Variants in DRAM1 observed in about 807,000 individuals in gnomAD.
DRAM1 encodes DNA damage regulated autophagy modulator 1.
In DRAM1, 25 loss-of-function variants were observed where a neutral mutation model predicts 28.5. The observed-to-expected ratio is 0.88, with a 90% CI of 0.64 to 1.23. DRAM1 has a LOEUF of 1.23. Ranked by LOEUF, DRAM1 falls within the 50% of genes most tolerant of loss-of-function variation. DRAM1 has a pLI of 0.00. For synonymous variants in DRAM1, 113 were observed against 114.2 expected (o/e 0.99, Z 0.07); for missense variants, 249 against 299.2 (o/e 0.83, Z 1.24).
chr12:101,916,978 G>A (rs1444210530), intron 5 of DRAM1, among the ~76,000 whole-genome samples: 2 of 152,218 alleles, frequency 1.3e-5, no homozygotes, highest in East Asian at 3.8e-4. Context: ...TAATCCTAAC[G>A]ATGGAATGAG....
chr12:101,909,299 C>CTA (rs1873949769), intron 4 of DRAM1, among the ~76,000 whole-genome samples: 1 of 144,368 alleles, frequency 6.9e-6, no homozygotes, highest in Non-Finnish European at 1.5e-5. Context: ...AATGTCTCAA[C>CTA]ATTGTCTAAT....
chr12:101,901,594 T>A, intron 3 of DRAM1, 161 bp downstream of exon 3: 1 of 815,010 alleles, frequency 1.2e-6, no homozygotes, highest in Non-Finnish European at 1.8e-6. Context: ...CTTTAACATT[T>A]GGAAATCAGG....
intron 1 of DRAM1, among the ~76,000 whole-genome samples, chr12:101,882,274 A>G (rs1566118957): frequency 2.0e-5 from 3 of 150,302 alleles, no homozygotes; most frequent in Admixed American, 6.6e-5. Context: ...CCTCCCGGCT[A>G]ATTTTTTGTA....
At chr12:101,913,700 C>T (rs1358726571) in intron 4 of DRAM1, among the ~76,000 whole-genome samples, 1 of 104,900 alleles carries the variant, frequency 9.5e-6, no homozygotes, top group Admixed American at 1.3e-4. Context: ...AGCGAGAGTA[C>T]GTCTCAAAAA....
At chr12:101,889,471 TGAGAA>T (rs1209223863) in intron 1 of DRAM1, among the ~76,000 whole-genome samples, 3 of 126,802 alleles carry the variant, frequency 2.4e-5, no homozygotes, top group Non-Finnish European at 3.4e-5. Flanking sequence ...TGAGACGAGA[TGAGAA>T]GAGAAGAAGG....
rs1354920058 is a variant in DRAM1, at chr12:101,921,783, C to G, written c.*523C>G. ...CCAAATCATAAAGATTTAGTTGATACATTAACACTAAGATACTCTGATTTT... is the reference window on the plus strand; with the variant it reads ...CCAAATCATAAAGATTTAGTTGATAGATTAACACTAAGATACTCTGATTTT... On this transcript the variant is annotated 3_prime_UTR_variant, in exon 7 of 7. Transcript: ENST00000258534. The G allele has an allele frequency of 6.5e-6, 1 of 153,386 alleles. No individual in the cohort carries two copies. The highest frequency in any genetic ancestry group is 1.4e-5 in the Non-Finnish European group (1 of 69,078). 9.5% of individuals were successfully genotyped at this position (153,386 alleles called of 1,614,324 possible).
intron 1 of DRAM1, among the ~76,000 whole-genome samples, chr12:101,889,522 AGG>A (rs1491238923): frequency 1.3e-5 from 2 of 152,082 alleles, no homozygotes; most frequent in African/African-American, 4.8e-5. Flanking sequence ...AAGGAAAGGA[AGG>A]AAGGAAGGAA....
In DRAM1 at chr12:101,877,908, T is replaced by C. The variant is rs1188546118; in HGVS notation, c.119T>C (p.Leu40Pro). ...AVLSGHVNPF[L>P]PYISDTGTTP... The stretch of plus-strand genomic sequence containing the variant: ...CTCTCCGGGCACGTCAACCCCTTCC[T>C]CCCGTATATCAGGTGAGTGGCAGGG... Residue 40 changes from leucine to proline, a missense_variant, in exon 1 of 7, where the codon CTC becomes CCC. By Grantham distance (98) the Leu-to-Pro change is moderately conservative (BLOSUM62 -3). Transcript: ENST00000258534. The surrounding 1 kb of genome is among the most constrained non-coding windows in gnomAD (Gnocchi z 4.1). 9 of 1,536,308 alleles carry C rather than the reference T, an allele frequency of 5.9e-6. No homozygotes were observed. Among genetic ancestry groups the C allele is most frequent in the Non-Finnish European group, 7.9e-6 (9 of 1,137,988 alleles).
At chr12:101,897,808 A>G in intron 1 of DRAM1, 55 bp from the exon 2 acceptor site, 1 of 1,297,792 alleles carries the variant, frequency 7.7e-7, no homozygotes, top group Non-Finnish European at 1.1e-6. Flanking sequence ...GTGTCTTCCC[A>G]GAGGTCTGGA....
At chr12:101,891,040 C>G (rs74583728) in intron 1 of DRAM1, among the ~76,000 whole-genome samples, 1 of 152,276 alleles carries the variant, frequency 6.6e-6, no homozygotes, top group Admixed American at 6.5e-5. Flanking sequence ...TGAGCCACCG[C>G]GCCCGGCCTG....
chr12:101,921,178 ACTT>A (rs775817310), intron 6 of DRAM1, 35 bp from the exon 7 acceptor site: 1 of 1,453,878 alleles, frequency 6.9e-7, no homozygotes, highest in African/African-American at 1.4e-5. Flanking sequence ...GGATTGTTTA[ACTT>A]CTTTTAAACC....
intron 5 of DRAM1, among the ~76,000 whole-genome samples, chr12:101,919,291 C>G (rs1874382402): frequency 1.5e-5 from 2 of 136,836 alleles, no homozygotes; most frequent in Admixed American, 1.4e-4. Context: ...CACGCACACA[C>G]ACACACACAC....
At chr12:101,889,431 AC>A (rs1873011261) in intron 1 of DRAM1, among the ~76,000 whole-genome samples, 1 of 151,766 alleles carries the variant, frequency 6.6e-6, no homozygotes, top group Non-Finnish European at 1.5e-5. Flanking sequence ...TCCCTATTAA[AC>A]CTCCACTCAG....
Position 101,877,828 on chromosome 12 carries a change from C to T in DRAM1, c.39C>T (p.Phe13=). The T allele has an allele frequency of 6.5e-7, 1 of 1,546,960 alleles. No homozygotes were observed. The highest frequency in any genetic ancestry group is 8.7e-7 in the Non-Finnish European group (1 of 1,144,834). The part of the protein sequence containing the change: ...CFLRGMAFVP[F]LLVTWSSAAF... ...TGAGGGGAATGGCTTTCGTCCCCTT[C>T]CTCTTGGTGACCTGGTCGTCAGCCG... is the stretch of plus-strand genomic sequence containing the variant. Residue 13 remains phenylalanine (F), a synonymous_variant, in exon 1 of 7, where the codon TTC becomes TTT. Transcript: ENST00000258534. The surrounding 1 kb of genome is among the most constrained non-coding windows in gnomAD (Gnocchi z 4.1).
At chr12:101,893,914 G>GGT (rs1873241253) in intron 1 of DRAM1, among the ~76,000 whole-genome samples, 1 of 147,784 alleles carries the variant, frequency 6.8e-6, no homozygotes, top group Non-Finnish European at 1.5e-5. Flanking sequence ...TCACCTGTAT[G>GGT]TTTTTTTTTA....
chr12:101,894,952 A>G (rs903763244), intron 1 of DRAM1, among the ~76,000 whole-genome samples: 3 of 152,052 alleles, frequency 2.0e-5, no homozygotes, highest in Middle Eastern at 3.4e-3. Flanking sequence ...GCTTTTTTAT[A>G]CCCTCAGGCC....
intron 4 of DRAM1, among the ~76,000 whole-genome samples, chr12:101,913,453 C>T (rs1874113946): frequency 6.6e-6 from 1 of 151,936 alleles, no homozygotes; most frequent in African/African-American, 2.4e-5. Context: ...TGCCTGTAAT[C>T]CCAGCACTTT....
intron 1 of DRAM1, among the ~76,000 whole-genome samples, chr12:101,897,202 T>C (rs1873410378): frequency 1.1e-5 from 1 of 94,512 alleles, no homozygotes; most frequent in East Asian, 4.1e-4. Flanking sequence ...ACGCGATTTA[T>C]TTTTATTTTT....
At chr12:101,901,586 T>C in intron 3 of DRAM1, 153 bp downstream of exon 3, 2 of 898,720 alleles carry the variant, frequency 2.2e-6, no homozygotes, top group South Asian at 3.7e-5. Flanking sequence ...TTAGAAACCT[T>C]TAACATTTGG....
Sources: allele counts gnomAD v4.1 joint callset (sites outside exome capture counted in the v4.1 genomes callset), GRCh38; gene constraint gnomAD v4.1.1; non-coding constraint Gnocchi (gnomAD v3.1); transcripts MANE v1.5; gene names NCBI Gene and HGNC (gene_info 2026-07-23, HGNC 2026-07-21).